The following EPB41L2 variants were observed in gnomAD, a reference collection of about 807,000 sequenced individuals.
EPB41L2 encodes the protein erythrocyte membrane protein band 4.1 like 2, also known as band 4.1-like protein 2.
A neutral mutation model predicts 113.0 loss-of-function variants in EPB41L2; 43 were observed. The observed-to-expected ratio is 0.38, with a 90% CI of 0.30 to 0.49. The LOEUF (loss-of-function observed/expected upper bound fraction) is 0.49, where lower values mean the gene tolerates loss of function less well. EPB41L2 is among the 20% of genes least tolerant of loss of function. The pLI is 0.95. For missense variants in EPB41L2, 1,147 were observed against 1,223.4 expected (o/e 0.94, Z 0.93); for synonymous variants, 442 against 436.7 (o/e 1.01, Z -0.15).
chr6:130,859,800 A>C (rs910954478), intron 18 of EPB41L2, among the ~76,000 whole-genome samples: 2 of 152,062 alleles, frequency 1.3e-5, no homozygotes, highest in African/African-American at 4.8e-5. Flanking sequence ...TTTTGCACAG[A>C]AACTTGGAAG....
rs977873413 is a variant in EPB41L2, at chr6:130,991,081, A to G, written c.-14-34582T>C. Among the ~76,000 whole-genome samples the G allele has an allele frequency of 7.7e-4, 117 of 152,270 alleles. 3 individuals are homozygous for G. Among genetic ancestry groups the G allele is most frequent in the Non-Finnish European group, 4.9e-4 (33 of 68,020 alleles). ...CGTAACCTCGTGATCCGCCAGCTTC[A>G]GCCTCCCAAAGTGCTAAGATTACAG... On this transcript the variant is annotated intron_variant, in intron 1 of 19. Coordinates refer to ENST00000337057, the MANE Select transcript of EPB41L2 (RefSeq NM_001431.4).
At chr6:130,898,083 TTCAACTGCCCAGG>T (rs59080981) in intron 8 of EPB41L2, among the ~76,000 whole-genome samples, 42,514 of 142,974 alleles carry the variant, frequency 0.3, 8,099 homozygotes, top group African/African-American at 0.54. Flanking sequence ...GGCATGTGAA[TTCAACTGCCCAGG>T]GGTCTAAAAA....
chr6:130,952,163 T>G (rs144694430), intron 3 of EPB41L2, among the ~76,000 whole-genome samples: 86 of 152,220 alleles, frequency 5.6e-4, no homozygotes, highest in African/African-American at 2.0e-3. Flanking sequence ...CCGATGACAA[T>G]GTGGCAAAAT....
chr6:130,867,691 C>A, intron 15 of EPB41L2, 110 bp from the exon 16 acceptor site: 1 of 1,380,532 alleles, frequency 7.2e-7, no homozygotes. Flanking sequence ...CACACTCATG[C>A]ACAAAAGAAA....
intron 1 of EPB41L2, among the ~76,000 whole-genome samples, chr6:131,005,899 T>A (rs1785395216): frequency 6.6e-6 from 1 of 151,488 alleles, no homozygotes; most frequent in Non-Finnish European, 1.5e-5. Context: ...TGGGGAGGAG[T>A]TCATGCTAAA....
At chr6:130,842,434 T>C (rs1001329110) in intron 19 of EPB41L2, among the ~76,000 whole-genome samples, 1 of 152,332 alleles carries the variant, frequency 6.6e-6, no homozygotes, top group Admixed American at 6.5e-5. Flanking sequence ...CCTTCAGTCA[T>C]GGAACCTGTT....
intron 4 of EPB41L2, among the ~76,000 whole-genome samples, chr6:130,916,499 C>A (rs780833991): frequency 6.6e-6 from 1 of 152,088 alleles, no homozygotes; most frequent in Non-Finnish European, 1.5e-5. Context: ...TTAGAAAGAA[C>A]CTCAGAATAA....
At chr6:130,849,212 G>A (rs1304923321) in intron 19 of EPB41L2, among the ~76,000 whole-genome samples, 1 of 152,184 alleles carries the variant, frequency 6.6e-6, no homozygotes, top group Non-Finnish European at 1.5e-5. Context: ...AGTAACCACA[G>A]GGAGAGCAGG....
At chr6:130,885,344 G>A in intron 11 of EPB41L2, 76 bp from the exon 12 acceptor site, 1 of 1,425,876 alleles carries the variant, frequency 7.0e-7, no homozygotes, top group Non-Finnish European at 9.8e-7. Flanking sequence ...CCCCCTTACA[G>A]GAGATAAACA....
chr6:130,888,339 G>T (rs1365223997), intron 11 of EPB41L2, among the ~76,000 whole-genome samples: 2 of 151,996 alleles, frequency 1.3e-5, no homozygotes, highest in Non-Finnish European at 2.9e-5. Flanking sequence ...ATGAATTACG[G>T]CCTCCAAAAC....
chr6:130,973,164 C>A (rs952627593), intron 1 of EPB41L2, among the ~76,000 whole-genome samples: 1 of 145,802 alleles, frequency 6.9e-6, no homozygotes, highest in African/African-American at 2.4e-5. Context: ...TGGAAGTCTT[C>A]ACTTCTCTTC....
At position 130,919,678 on chromosome 6, in the gene EPB41L2, G is replaced by T. The variant is rs117681918; in HGVS notation, c.810+6927C>A. 5.0e-3 allele frequency among the ~76,000 whole-genome samples: 763 copies of T among 152,224 alleles called. 3 individuals are homozygous for T. Among genetic ancestry groups the T allele is most frequent in the Non-Finnish European group, 8.4e-3 (570 of 68,018 alleles). On this transcript the variant is annotated intron_variant, in intron 4 of 19. Coordinates refer to ENST00000337057, the MANE Select transcript of EPB41L2 (RefSeq NM_001431.4). ...CAGCAACTTCAGATTTCACAATCCT[G>T]CATCCTCTTACTATTGCCTCCATGA...
At chr6:131,047,364 A>G (rs1347251241) in intron 1 of EPB41L2, among the ~76,000 whole-genome samples, 1 of 152,136 alleles carries the variant, frequency 6.6e-6, no homozygotes, top group Non-Finnish European at 1.5e-5. Context: ...AATATTTAAA[A>G]ATAAAAGTGC....
intron 8 of EPB41L2, among the ~76,000 whole-genome samples, chr6:130,895,466 A>C (rs1441317659): frequency 1.3e-5 from 2 of 152,168 alleles, no homozygotes; most frequent in African/African-American, 4.8e-5. Context: ...CGGGAAATAA[A>C]ATGAGCTTTT....
At chr6:131,042,981 T>C (rs1409764934) in intron 1 of EPB41L2, among the ~76,000 whole-genome samples, 2 of 152,208 alleles carry the variant, frequency 1.3e-5, no homozygotes, top group Non-Finnish European at 2.9e-5. Flanking sequence ...TGGCTTAGGC[T>C]GATTTTAAAA....
At chr6:130,965,644 C>CAAAAAAAAAAAAAAAA (rs35081059) in intron 1 of EPB41L2, among the ~76,000 whole-genome samples, 1 of 127,896 alleles carries the variant, frequency 7.8e-6, no homozygotes. Context: ...AAACAGTTAT[C>CAAAAAAAAAAAAAAAA]AAAAAAAAAA....
chr6:130,950,181 T>C (rs1372234388), intron 3 of EPB41L2, among the ~76,000 whole-genome samples: 2 of 152,122 alleles, frequency 1.3e-5, no homozygotes, highest in Admixed American at 6.6e-5. Flanking sequence ...AAAGCAATGT[T>C]TTAAGTGTTA....
At chr6:130,989,675 CA>C (rs1428748648) in intron 1 of EPB41L2, among the ~76,000 whole-genome samples, 1 of 152,160 alleles carries the variant, frequency 6.6e-6, no homozygotes, top group African/African-American at 2.4e-5. Context: ...AATGGTTTGT[CA>C]ATTATTTGTC....
chr6:131,046,994 AT>A (rs904180118), intron 1 of EPB41L2, among the ~76,000 whole-genome samples: 1 of 152,152 alleles, frequency 6.6e-6, no homozygotes, highest in Non-Finnish European at 1.5e-5. Flanking sequence ...GACAGTAGTT[AT>A]GGCTATAGGC....
Sources: allele counts gnomAD v4.1 joint callset (sites outside exome capture counted in the v4.1 genomes callset), GRCh38; gene constraint gnomAD v4.1.1; transcripts MANE v1.5; gene names NCBI Gene and HGNC (gene_info 2026-07-23, HGNC 2026-07-21).